GRM7: variants seen among roughly 807,000 people sequenced by gnomAD.
GRM7 encodes metabotropic glutamate receptor 7.
Under a neutral mutation model 84.5 loss-of-function variants are expected in GRM7, and 35 were observed. The ratio of observed to expected loss-of-function variants is 0.41; its 90% CI spans 0.32 to 0.55. The LOEUF (loss-of-function observed/expected upper bound fraction) is 0.55, where lower values mean the gene tolerates loss of function less well. Among genes scored for constraint, GRM7 ranks in the 20% least tolerant of loss-of-function variants. GRM7 has a pLI of 0.19. For missense variants in GRM7, 1,003 were observed against 1,194.6 expected, an observed-to-expected ratio of 0.84 and a Z score of 2.36; for synonymous variants, 487 against 455.1, an observed-to-expected ratio of 1.07 and a Z score of -0.89.
chr3:7,199,476 C>T (rs979593212), intron 2 of GRM7, among the ~76,000 whole-genome samples: 2 of 152,240 alleles, frequency 1.3e-5, no homozygotes, highest in Non-Finnish European at 2.9e-5. Context: ...AACTACTAAG[C>T]TCTGGAGTAT....
chr3:7,664,584 A>C (rs1699604812), intron 8 of GRM7, among the ~76,000 whole-genome samples: 1 of 152,220 alleles, frequency 6.6e-6, no homozygotes, highest in Non-Finnish European at 1.5e-5. Flanking sequence ...ATAGGTATAC[A>C]CGTGCAATGG....
chr3:7,211,136 TTTC>T (rs1696412236), intron 2 of GRM7, among the ~76,000 whole-genome samples: 1 of 152,200 alleles, frequency 6.6e-6, no homozygotes, highest in Non-Finnish European at 1.5e-5. Flanking sequence ...AAAGTAGACT[TTTC>T]TTCTTCACCT....
chr3:7,498,448 G>A (rs115959536), intron 7 of GRM7, among the ~76,000 whole-genome samples: 164 of 152,312 alleles, frequency 1.1e-3, no homozygotes, highest in African/African-American at 3.6e-3. Flanking sequence ...TGAGAAGCAT[G>A]AACATTGTTT....
chr3:7,717,552 A>G (rs1701808680), intron 9 of GRM7, among the ~76,000 whole-genome samples: 2 of 152,200 alleles, frequency 1.3e-5, no homozygotes, highest in Non-Finnish European at 2.9e-5. Flanking sequence ...TAGAAATTAT[A>G]ACCAGCTAAA....
chr3:7,735,174 G>A (rs144373226), intron 9 of GRM7, among the ~76,000 whole-genome samples: 1 of 152,332 alleles, frequency 6.6e-6, no homozygotes, highest in East Asian at 1.9e-4. Flanking sequence ...TTAGTTGGCA[G>A]AGTTGGTGGG....
intron 2 of GRM7, among the ~76,000 whole-genome samples, chr3:7,252,433 G>A (rs1698026304): frequency 1.3e-5 from 2 of 152,192 alleles, no homozygotes; most frequent in South Asian, 2.1e-4. Context: ...ATTCTTTAAA[G>A]TGGCAGTTCT....
chr3:7,682,423 T>C (rs1053310021), intron 9 of GRM7: 1 of 151,940 alleles, frequency 6.6e-6, no homozygotes, highest in African/African-American at 2.4e-5. Context: ...TATACCTGTA[T>C]TGATAAACAT....
chr3:7,295,665 T>G (rs1699788412), intron 2 of GRM7, among the ~76,000 whole-genome samples: 1 of 152,214 alleles, frequency 6.6e-6, no homozygotes, highest in East Asian at 1.9e-4. Flanking sequence ...CATATTTTGT[T>G]GCCTAAGCAG....
At chr3:6,975,398 C>T (rs1048442665) in intron 1 of GRM7, among the ~76,000 whole-genome samples, 1 of 152,154 alleles carries the variant, frequency 6.6e-6, no homozygotes, top group Non-Finnish European at 1.5e-5. Flanking sequence ...TGAATTGTAA[C>T]TTGAGTTTCA....
intron 9 of GRM7, among the ~76,000 whole-genome samples, chr3:7,721,699 C>A (rs329037): frequency 0.29 from 44,696 of 152,086 alleles, 6,934 homozygotes; most frequent in Middle Eastern, 0.39. Flanking sequence ...CAAATGGTGT[C>A]ACATCACTAC....
At chr3:7,347,682 A>G (rs1041450653) in intron 4 of GRM7, among the ~76,000 whole-genome samples, 1 of 152,170 alleles carries the variant, frequency 6.6e-6, no homozygotes, top group African/African-American at 2.4e-5. Flanking sequence ...TAAGGCATAC[A>G]TAAATTAAAA....
At chr3:7,510,574 C>T (rs889148670) in intron 7 of GRM7, among the ~76,000 whole-genome samples, 56 of 151,932 alleles carry the variant, frequency 3.7e-4, no homozygotes, top group African/African-American at 1.3e-3. Flanking sequence ...TCTTCGGTGG[C>T]AGGCAACAAA....
chr3:7,248,090 G>A (rs1575078272), intron 2 of GRM7, among the ~76,000 whole-genome samples: 1 of 152,226 alleles, frequency 6.6e-6, no homozygotes, highest in South Asian at 2.1e-4. Context: ...TCACCTATCT[G>A]GTTGGTAACC....
intron 2 of GRM7, among the ~76,000 whole-genome samples, chr3:7,253,584 T>C (rs1260908018): frequency 7.3e-6 from 1 of 137,924 alleles, no homozygotes; most frequent in Non-Finnish European, 1.5e-5. Context: ...GCCACTGCAC[T>C]CCAGCCCAGG....
chr3:6,882,697 A>T (rs1695556695), intron 1 of GRM7, among the ~76,000 whole-genome samples: 1 of 152,266 alleles, frequency 6.6e-6, no homozygotes, highest in Non-Finnish European at 1.5e-5. Flanking sequence ...TTATTAGACC[A>T]AACTATAAAA....
At chr3:7,127,856 T>C (rs967773314) in intron 1 of GRM7, among the ~76,000 whole-genome samples, 3 of 152,088 alleles carry the variant, frequency 2.0e-5, no homozygotes, top group South Asian at 4.1e-4. Context: ...AAGAGACTTA[T>C]CTGTGAGATG....
intron 1 of GRM7, among the ~76,000 whole-genome samples, chr3:7,107,396 T>C (rs988496746): frequency 6.6e-6 from 1 of 152,098 alleles, no homozygotes; most frequent in African/African-American, 2.4e-5. Flanking sequence ...AAATCTATTA[T>C]ATGGATGAAC....
At chr3:7,197,136 A>G (rs1362726494) in intron 2 of GRM7, among the ~76,000 whole-genome samples, 1 of 152,150 alleles carries the variant, frequency 6.6e-6, no homozygotes, top group Non-Finnish European at 1.5e-5. Context: ...GCTTTGTATT[A>G]ATAACAAATG....
At chr3:7,066,258 A>G (rs1697657360) in intron 1 of GRM7, among the ~76,000 whole-genome samples, 1 of 151,892 alleles carries the variant, frequency 6.6e-6, no homozygotes, top group East Asian at 1.9e-4. Flanking sequence ...TTGAAAAGAT[A>G]AAACTGATAG....
Sources: allele counts gnomAD v4.1 joint callset (sites outside exome capture counted in the v4.1 genomes callset), GRCh38; gene constraint gnomAD v4.1.1; transcripts MANE v1.5; gene names NCBI Gene and HGNC (gene_info 2026-07-23, HGNC 2026-07-21).